The following TCAF1 variants were observed in gnomAD, a reference collection of about 807,000 sequenced individuals.
TCAF1 encodes the protein TRPM8 channel-associated factor 1.
A neutral mutation model predicts 27.3 loss-of-function variants in TCAF1; 4 were observed. The ratio of observed to expected loss-of-function variants is 0.15; its 90% confidence interval spans 0.07 to 0.34. TCAF1 has a LOEUF of 0.34. Ranked by LOEUF, TCAF1 falls within the 10% of genes least tolerant of loss-of-function variation. TCAF1 has a pLI of 1.00. For missense variants in TCAF1, 257 were observed against 425.8 expected (o/e 0.60, Z 3.49); for synonymous variants, 105 against 167.1 (o/e 0.63, Z 2.87).
intron 1 of TCAF1, among the ~76,000 whole-genome samples, chr7:143,881,170 A>G (rs1435075173): frequency 6.6e-6 from 1 of 152,140 alleles, no homozygotes; most frequent in East Asian, 1.9e-4. Context: ...TGCACCACCC[A>G]TATCCCGTAT....
rs187608875 is a variant in TCAF1, at chr7:143,879,571, C to A, written c.-14-2949G>T. On this transcript the variant is annotated intron_variant, in intron 1 of 8. Transcript: ENST00000479870. ...GACCCAACAACCTTTCTTCTAATAA[C>A]CGTTCTTACAGAACTAAGAAGGGCA... is the stretch of plus-strand genomic sequence containing the variant. Among the ~76,000 whole-genome samples, 61 of 152,280 alleles carry A rather than the reference C, an allele frequency of 4.0e-4. 1 individual carries two copies. The highest frequency in any genetic ancestry group is 6.8e-4 in the Non-Finnish European group (46 of 68,024).
chr7:143,886,034 T>A (rs540287886), intron 1 of TCAF1, among the ~76,000 whole-genome samples: 2 of 152,246 alleles, frequency 1.3e-5, no homozygotes, highest in Non-Finnish European at 2.9e-5. Flanking sequence ...TTCTGATCCA[T>A]GTTATTTGAG....
rs1248790335 is a variant in TCAF1, at chr7:143,885,160, T to TGTGCCCGGGCCTGGTCTGGTCCCC, written c.-14-8562_-14-8539dup. 7.1e-6 allele frequency: 7 copies of TGTGCCCGGGCCTGGTCTGGTCCCC among 985,400 alleles called. No homozygotes were observed. In the African/African-American group the frequency reaches 1.0e-4, roughly 15 times the overall value. 61.0% of individuals were successfully genotyped at this position (985,400 alleles called of 1,614,324 possible). On this transcript the variant is annotated intron_variant, in intron 1 of 8. Transcript: ENST00000479870. The stretch of plus-strand genomic sequence containing the variant: ...CGGGAGCCGCCCCTGAATTGGTCCG[T>TGTGCCCGGGCCTGGTCTGGTCCCC]GTGCCCGGGCCTGGTCTGGTCCCCG...
At chr7:143,876,731 T>C (rs145378758) in intron 1 of TCAF1, 109 bp from the exon 2 acceptor site, 2 of 815,180 alleles carry the variant, frequency 2.5e-6, no homozygotes, top group Non-Finnish European at 3.5e-6. Context: ...ACTATGCAGA[T>C]GAGGCTGACA....
intron 1 of TCAF1, among the ~76,000 whole-genome samples, chr7:143,878,211 G>C (rs949039566): frequency 6.6e-6 from 1 of 152,172 alleles, no homozygotes; most frequent in Non-Finnish European, 1.5e-5. Flanking sequence ...ATTTGGTTAA[G>C]AATAAACCAT....
chr7:143,883,573 T>G (rs1250651658), intron 1 of TCAF1, among the ~76,000 whole-genome samples: 1 of 144,026 alleles, frequency 6.9e-6, no homozygotes, highest in African/African-American at 2.6e-5. Context: ...TGGCGCGATC[T>G]CGGCTCACTG....
chr7:143,876,533 G>A lies in TCAF1; in HGVS notation c.76C>T (p.Pro26Ser), dbSNP rs1812727895. Residue 26 changes from proline to serine, a missense_variant, in exon 2 of 9, where the codon CCA (proline) becomes TCA (serine). Transcript: ENST00000479870. Reference sequence around the variant, plus strand: ...TCTCCAATAAGAAGCAGTTCACATGGAACAGCATCTTCGGGTACATCCCAG... The same window carrying A: ...TCTCCAATAAGAAGCAGTTCACATGAAACAGCATCTTCGGGTACATCCCAG... ...TSWDVPEDAVPCELLLIGEAS... is the reference protein window; with the variant it reads ...TSWDVPEDAVSCELLLIGEAS... The A allele has an allele frequency of 6.4e-7, 1 of 1,554,552 alleles. No individual in the cohort carries two copies. Among genetic ancestry groups the A allele is most frequent in the East Asian group, 2.2e-5 (1 of 44,698 alleles).
intron 1 of TCAF1, among the ~76,000 whole-genome samples, chr7:143,892,035 A>G (rs1213430765): frequency 6.6e-6 from 1 of 152,218 alleles, no homozygotes; most frequent in East Asian, 1.9e-4. Flanking sequence ...TCAAAAATAA[A>G]GGCAATGTAA....
At chr7:143,892,813 G>A (rs918312339) in intron 1 of TCAF1, among the ~76,000 whole-genome samples, 1 of 152,096 alleles carries the variant, frequency 6.6e-6, no homozygotes, top group Non-Finnish European at 1.5e-5. Context: ...AACGAGACTA[G>A]AGCTCCCTCT....
chr7:143,872,167 T>C (rs1436860299), intron 2 of TCAF1, among the ~76,000 whole-genome samples: 1 of 147,932 alleles, frequency 6.8e-6, no homozygotes, highest in African/African-American at 2.5e-5. Flanking sequence ...GGAACTATTT[T>C]GATTAAAGGA....
rs935251838 is a variant in TCAF1, at chr7:143,882,924, C to T, written c.-14-6302G>A. The stretch of plus-strand genomic sequence containing the variant: ...GGGAGTCCCCTCCTCCCCACTTCCT[C>T]CCAGGCTGGAGTGGGAGCTCCAGGG... On this transcript the variant is annotated intron_variant, in intron 1 of 8. Transcript: ENST00000479870. 6 of 967,470 alleles carry T rather than the reference C, an allele frequency of 6.2e-6. No homozygotes were observed. The Admixed American group carries it at 2.5e-4, about 40-fold the overall frequency. The allele number at this position is 967,470 out of a possible 1,614,324, so 59.9% of individuals were successfully genotyped here. A position where few individuals can be genotyped will look rare whatever the true frequency, so the allele number is the denominator to read the frequency against.
At chr7:143,893,466 C>T (rs903145862) in intron 1 of TCAF1, among the ~76,000 whole-genome samples, 1 of 152,018 alleles carries the variant, frequency 6.6e-6, no homozygotes, top group Non-Finnish European at 1.5e-5. Context: ...ACAGAATATA[C>T]ATGATTTTTA....
At chr7:143,880,827 A>T (rs534632477) in intron 1 of TCAF1, among the ~76,000 whole-genome samples, 1 of 152,118 alleles carries the variant, frequency 6.6e-6, no homozygotes, top group Non-Finnish European at 1.5e-5. Context: ...TGACTTTTGA[A>T]CCAAATGCTC....
intron 1 of TCAF1, among the ~76,000 whole-genome samples, chr7:143,886,756 C>T (rs886103759): frequency 2.4e-5 from 3 of 127,012 alleles, no homozygotes; most frequent in African/African-American, 3.2e-5. Context: ...TGCAGTGGAG[C>T]GAGGCTCACT....
chr7:143,884,910 A>C (rs1813313480), intron 1 of TCAF1: 1 of 765,922 alleles, frequency 1.3e-6, no homozygotes, highest in Non-Finnish European at 1.6e-6. Context: ...GCAGTATGAA[A>C]GAAATAAGAG....
At chr7:143,875,223 G>A (rs1190508915) in intron 2 of TCAF1, among the ~76,000 whole-genome samples, 1 of 152,078 alleles carries the variant, frequency 6.6e-6, no homozygotes, top group Non-Finnish European at 1.5e-5. Context: ...ATAGAGAGTG[G>A]CCTAATGTAC....
rs375269896 is a variant in TCAF1, at chr7:143,901,299, T to G, written c.-15+662A>C. Among the ~76,000 whole-genome samples, 39 of 152,350 alleles carry G rather than the reference T, an allele frequency of 2.6e-4. No individual in the cohort carries two copies. The East Asian group carries it at 6.2e-3, about 24-fold the overall frequency. On this transcript the variant is annotated intron_variant, in intron 1 of 8. Transcript: ENST00000479870. ...GACACATTCTGTCCTTTACGTCTAG[T>G]TCGAGCTGTACTTCTTCTAAATTTC...
chr7:143,886,697 TACC>T (rs1407590814), intron 1 of TCAF1, among the ~76,000 whole-genome samples: 1 of 137,690 alleles, frequency 7.3e-6, no homozygotes, highest in South Asian at 2.3e-4. Context: ...CCTCAAATTT[TACC>T]TTTTTTTTTT....
At chr7:143,886,635 C>A in intron 1 of TCAF1, 1 of 454,556 alleles carries the variant, frequency 2.2e-6, no homozygotes, top group Non-Finnish European at 2.9e-6. Context: ...AAATTACACA[C>A]CTCCTGTGCT....
Sources: allele counts gnomAD v4.1 joint callset (sites outside exome capture counted in the v4.1 genomes callset), GRCh38; gene constraint gnomAD v4.1.1; transcripts MANE v1.5; gene names NCBI Gene and HGNC (gene_info 2026-07-23, HGNC 2026-07-21).